DAB1: variants seen among roughly 807,000 people sequenced by gnomAD.
DAB1 encodes the protein disabled homolog 1.
DAB1 carries 15 observed loss-of-function variants against 64.6 expected under a neutral mutation model. That is an observed-to-expected ratio of 0.23 (90% CI 0.16 to 0.36). The LOEUF (loss-of-function observed/expected upper bound fraction) is 0.36, where lower values mean the gene tolerates loss of function less well. Ranked by LOEUF, DAB1 falls within the 10% of genes least tolerant of loss-of-function variation. DAB1 has a pLI of 1.00. For missense variants in DAB1, 596 were observed against 706.7 expected, an observed-to-expected ratio of 0.84 and a Z score of 1.78; for synonymous variants, 235 against 251.9, an observed-to-expected ratio of 0.93 and a Z score of 0.64.
chr1:58,016,332 G>A (rs1271372849), intron 5 of DAB1, among the ~76,000 whole-genome samples: 2 of 152,162 alleles, frequency 1.3e-5, no homozygotes, highest in African/African-American at 4.8e-5. Context: ...ACAGTGGGCT[G>A]GATGTCACCT....
At chr1:58,301,179 G>T (rs909754945) in intron 4 of DAB1, among the ~76,000 whole-genome samples, 5 of 143,852 alleles carry the variant, frequency 3.5e-5, no homozygotes, top group Non-Finnish European at 6.0e-5. Context: ...TTTGAGTTCT[G>T]ATTGGCATAT....
intron 1 of DAB1, among the ~76,000 whole-genome samples, chr1:57,333,887 T>C (rs746187495): frequency 1.1e-4 from 16 of 152,208 alleles, no homozygotes; most frequent in Admixed American, 2.6e-4. Context: ...CAAATCAAAC[T>C]AGAATCCATC....
Position 57,290,986 on chromosome 1 carries a change from G to A in DAB1, c.45C>T (p.Ala15=). The part of the protein sequence containing the change: ...TELQVAVKTS[A]KKDSRKKGQD... ...TACCTTTCTTTCTGGAGTCTTTCTT[G>A]GCGCTGGTTTTCACAGCTACTTGAA... The change falls in exon 2 of 15, where the codon GCC becomes GCT. Residue 15 remains alanine (A), a synonymous_variant. Transcript: ENST00000371236. The A allele has an allele frequency of 6.2e-7, 1 of 1,610,358 alleles. No individual in the cohort carries two copies.
At chr1:57,800,702 C>T (rs540665638) in intron 6 of DAB1, among the ~76,000 whole-genome samples, 25 of 152,242 alleles carry the variant, frequency 1.6e-4, no homozygotes, top group African/African-American at 6.0e-4. Context: ...TTAATGGCAA[C>T]CTACATCTAA....
Position 57,483,612 on chromosome 1 carries a change from T to C in DAB1, n.625+165980A>G, listed in dbSNP as rs74938389. Among the ~76,000 whole-genome samples the C allele has an allele frequency of 4.1e-3, 631 of 152,308 alleles. 2 individuals are homozygous for C. The highest frequency in any genetic ancestry group is 0.015 in the African/African-American group (603 of 41,570). On this transcript the variant is annotated intron_variant and non_coding_transcript_variant, in intron 7 of 20. Coordinates refer to the DAB1 transcript ENST00000485760. Reference sequence around the variant, plus strand: ...TTCAACTTTTTTTTGTTGTTGTTTTTCTGTTTTTGTTTTTTTTGAGTCAGG... The same window carrying C: ...TTCAACTTTTTTTTGTTGTTGTTTTCCTGTTTTTGTTTTTTTTGAGTCAGG...
Position 57,014,889 on chromosome 1 carries a change from T to C in DAB1, c.1438A>G (p.Asn480Asp). The C allele has an allele frequency of 6.4e-7, 1 of 1,562,158 alleles. No individual in the cohort carries two copies. Among genetic ancestry groups the C allele is most frequent in the African/African-American group, 1.4e-5 (1 of 73,720 alleles). ...TTAAGTGAGGGGCACTCACGTGAGT[T>C]GGTCGATGGTGTGGTAGAAGTCACA... is the stretch of plus-strand genomic sequence containing the variant. ...TPVTSTTPSTNSPPTPAPRQS... is the reference protein window; with the variant it reads ...TPVTSTTPSTDSPPTPAPRQS... Residue 480 changes from asparagine (N) to aspartate (D), a missense_variant, in exon 12 of 15, where the codon AAC becomes GAC. Transcript: ENST00000371236.
At chr1:57,659,554 C>T (rs1043482037) in intron 6 of DAB1, among the ~76,000 whole-genome samples, 10 of 152,112 alleles carry the variant, frequency 6.6e-5, no homozygotes, top group African/African-American at 2.4e-4. Flanking sequence ...GCTATGTGAC[C>T]TTGAACAAGT....
At chr1:58,190,354 G>C (rs1657318008) in intron 4 of DAB1, among the ~76,000 whole-genome samples, 1 of 152,140 alleles carries the variant, frequency 6.6e-6, no homozygotes. Flanking sequence ...GACAACACCT[G>C]TCCCACGTGG....
intron 7 of DAB1, among the ~76,000 whole-genome samples, chr1:57,597,373 T>A (rs569878401): frequency 1.4e-4 from 21 of 152,262 alleles, no homozygotes; most frequent in African/African-American, 5.1e-4. Context: ...AGGGGAAAAA[T>A]TCCCTTCCTA....
intron 3 of DAB1, among the ~76,000 whole-genome samples, chr1:58,438,756 T>C (rs1461409875): frequency 2.0e-5 from 3 of 151,990 alleles, no homozygotes; most frequent in African/African-American, 4.8e-5. Flanking sequence ...TCTGGGATGT[T>C]AGTTCTACAC....
chr1:57,966,413 A>C (rs962895004), intron 5 of DAB1, among the ~76,000 whole-genome samples: 3 of 152,068 alleles, frequency 2.0e-5, no homozygotes. Flanking sequence ...GCTGGAGGAG[A>C]ATATGCCACC....
chr1:57,414,392 C>A (rs552417017), intron 1 of DAB1, among the ~76,000 whole-genome samples: 1 of 152,354 alleles, frequency 6.6e-6, no homozygotes, highest in Non-Finnish European at 1.5e-5. Flanking sequence ...GAAGGCTCAG[C>A]TGATCATTAG....
intron 5 of DAB1, among the ~76,000 whole-genome samples, chr1:58,089,483 A>C (rs1208262296): frequency 1.3e-5 from 2 of 152,254 alleles, no homozygotes; most frequent in Non-Finnish European, 2.9e-5. Flanking sequence ...GAGATATATT[A>C]GAAGAAGGAT....
intron 2 of DAB1, among the ~76,000 whole-genome samples, chr1:57,148,453 C>T (rs1659356965): frequency 1.3e-5 from 2 of 152,198 alleles, no homozygotes; most frequent in African/African-American, 4.8e-5. Context: ...AGCAAGGTCT[C>T]AGTTATATTA....
chr1:58,444,450 G>T (rs1392664284), intron 3 of DAB1, among the ~76,000 whole-genome samples: 1 of 152,208 alleles, frequency 6.6e-6, no homozygotes, highest in African/African-American at 2.4e-5. Context: ...ACTTGAACTA[G>T]GTGGCCTGAC....
intron 6 of DAB1, among the ~76,000 whole-genome samples, chr1:57,796,334 T>A (rs1650862881): frequency 6.6e-6 from 1 of 151,948 alleles, no homozygotes; most frequent in African/African-American, 2.4e-5. Flanking sequence ...GAGACCATCC[T>A]GGCTAACATG....
chr1:57,064,404 C>T (rs559840919), intron 8 of DAB1, among the ~76,000 whole-genome samples: 1 of 152,292 alleles, frequency 6.6e-6, no homozygotes, highest in African/African-American at 2.4e-5. Context: ...GGACTGGGTG[C>T]TTCCTATGTG....
intron 2 of DAB1, among the ~76,000 whole-genome samples, chr1:57,181,112 A>G (rs1167583571): frequency 6.6e-6 from 1 of 152,214 alleles, no homozygotes; most frequent in Non-Finnish European, 1.5e-5. Context: ...TTTCCAGAGC[A>G]TGTAACCCGG....
intron 1 of DAB1, among the ~76,000 whole-genome samples, chr1:57,420,075 T>C (rs1233246076): frequency 1.3e-5 from 2 of 152,244 alleles, no homozygotes; most frequent in Non-Finnish European, 2.9e-5. Context: ...TGATAGAAAC[T>C]GCCACAGAGT....
Sources: allele counts gnomAD v4.1 joint callset (sites outside exome capture counted in the v4.1 genomes callset), GRCh38; gene constraint gnomAD v4.1.1; transcripts MANE v1.5; gene names NCBI Gene and HGNC (gene_info 2026-07-23, HGNC 2026-07-21).